The following VPS13D variants were observed in gnomAD, a reference collection of about 807,000 sequenced individuals.
VPS13D encodes intermembrane lipid transfer protein VPS13D.
In VPS13D, 187 loss-of-function variants were observed where a neutral mutation model predicts 461.9. That is an observed-to-expected ratio of 0.40 (90% CI 0.36 to 0.46). VPS13D has a LOEUF of 0.46. VPS13D is among the 20% of genes least tolerant of loss of function. The probability of loss-of-function intolerance (pLI) is 0.60; values close to 1 mark genes in which losing one functional copy is unlikely to be tolerated. For synonymous variants in VPS13D, 1,951 were observed against 1,986.3 expected (o/e 0.98, Z 0.47); for missense variants, 4,711 against 5,364.9 (o/e 0.88, Z 3.81).
chr1:12,363,951 CAAAAAAAAAAAAA>C (rs70987247), intron 52 of VPS13D, among the ~76,000 whole-genome samples: 3 of 44,582 alleles, frequency 6.7e-5, no homozygotes, highest in Admixed American at 3.6e-4. Flanking sequence ...GACTCTATCT[CAAAAAAAAAAAAA>C]AAAAAAAAAA....
chr1:12,416,059 C>T (rs1359103711), intron 64 of VPS13D, among the ~76,000 whole-genome samples: 1 of 152,134 alleles, frequency 6.6e-6, no homozygotes, highest in Admixed American at 6.5e-5. Flanking sequence ...AGAGGTCTTG[C>T]CTGTAGTCCC....
chr1:12,334,068 A>G (rs1427506783), intron 38 of VPS13D, among the ~76,000 whole-genome samples: 2 of 152,194 alleles, frequency 1.3e-5, no homozygotes, highest in Non-Finnish European at 2.9e-5. Flanking sequence ...AACACATACT[A>G]TTGCAAATTG....
intron 67 of VPS13D, among the ~76,000 whole-genome samples, chr1:12,490,149 G>A (rs1456444954): frequency 1.3e-5 from 2 of 152,194 alleles, no homozygotes; most frequent in African/African-American, 4.8e-5. Flanking sequence ...GGTTGAATAG[G>A]GGACTGGAGG....
At position 12,311,498 on chromosome 1, in the gene VPS13D, TCTC is replaced by T. The variant is rs1642747559; in HGVS notation, c.6699_6701del (p.Ser2234del). On this transcript the variant is annotated inframe_deletion, in exon 28 of 70. Coordinates refer to ENST00000620676, the MANE Select transcript of VPS13D (RefSeq NM_015378.4). ...CCAGACATATCTATCCATGGCAATC[TCTC>T]CTCAGTCCACTGCTCTCTGGATCTG... 2 of 1,613,982 alleles carry T rather than the reference TCTC, an allele frequency of 1.2e-6. No homozygotes were observed. Among genetic ancestry groups the T allele is most frequent in the East Asian group, 2.2e-5 (1 of 44,892 alleles).
At chr1:12,333,516 C>T (rs886941356) in intron 38 of VPS13D, 150 bp downstream of exon 38, 5 of 928,080 alleles carry the variant, frequency 5.4e-6, no homozygotes, top group Admixed American at 3.0e-5. Context: ...ACCCTAATAG[C>T]CTCTTGATTC....
rs1437205622 is a variant in VPS13D, at chr1:12,386,166, T to TA, written c.11485-18dup. 1 of 1,600,718 alleles carries TA rather than the reference T, an allele frequency of 6.2e-7. No individual in the cohort carries two copies. Reference sequence around the variant, plus strand: ...TGTGTTTAAAACAATCAGGGTGCCATATTTTGGTTTCCTTTCAGGTGCTTG... The same window carrying TA: ...TGTGTTTAAAACAATCAGGGTGCCATAATTTTGGTTTCCTTTCAGGTGCTTG... On this transcript the variant is annotated intron_variant, in intron 59 of 69. Transcript: ENST00000620676.
At chr1:12,280,833 T>C (rs940526441) in intron 20 of VPS13D, among the ~76,000 whole-genome samples, 4 of 152,158 alleles carry the variant, frequency 2.6e-5, no homozygotes, top group African/African-American at 9.6e-5. Context: ...AACTGTTGTT[T>C]TGATGAAAAT....
intron 2 of VPS13D, 113 bp from the exon 3 acceptor site, chr1:12,242,400 C>G (rs1290010256): frequency 1.1e-6 from 1 of 893,046 alleles, no homozygotes; most frequent in African/African-American, 1.7e-5. Flanking sequence ...CTTCACATGA[C>G]GTAGCCTATT....
intron 49 of VPS13D, among the ~76,000 whole-genome samples, chr1:12,358,203 A>C (rs1320021107): frequency 6.6e-6 from 1 of 152,150 alleles, no homozygotes; most frequent in Non-Finnish European, 1.5e-5. Context: ...ATAGAATCCT[A>C]ATGTTTTCTC....
intron 24 of VPS13D, among the ~76,000 whole-genome samples, chr1:12,294,747 G>A (rs942255648): frequency 5.3e-5 from 8 of 152,140 alleles, no homozygotes; most frequent in Non-Finnish European, 1.5e-5. Context: ...GGGAGGCGGA[G>A]GTTGGAGTGA....
chr1:12,264,566 C>T (rs1325043035), intron 13 of VPS13D, among the ~76,000 whole-genome samples: 1 of 152,250 alleles, frequency 6.6e-6, no homozygotes, highest in Non-Finnish European at 1.5e-5. Flanking sequence ...CACAGCCTTT[C>T]CTTAAGCCAA....
At chr1:12,285,438 G>A (rs941990672) in intron 21 of VPS13D, among the ~76,000 whole-genome samples, 4 of 151,530 alleles carry the variant, frequency 2.6e-5, no homozygotes, top group East Asian at 1.9e-4. Flanking sequence ...TTACAGGTGC[G>A]CGCCGCCATG....
intron 46 of VPS13D, among the ~76,000 whole-genome samples, chr1:12,351,574 G>A (rs752486354): frequency 1.3e-5 from 2 of 151,356 alleles, no homozygotes; most frequent in Non-Finnish European, 2.9e-5. Flanking sequence ...ACAGGCGTGA[G>A]CCACCGTGCC....
chr1:12,293,848 G>T, intron 24 of VPS13D, 144 bp downstream of exon 24: 1 of 824,140 alleles, frequency 1.2e-6, no homozygotes, highest in Non-Finnish European at 1.8e-6. Context: ...AGACATCTTT[G>T]TGTAATTGAA....
chr1:12,254,941 G>A (rs529311148), intron 7 of VPS13D, among the ~76,000 whole-genome samples: 1 of 151,496 alleles, frequency 6.6e-6, no homozygotes, highest in African/African-American at 2.4e-5. Context: ...TGTACATGAT[G>A]GCTTTCTTCT....
At chr1:12,323,805 C>T in intron 35 of VPS13D, 25 bp downstream of exon 35, 1 of 1,610,348 alleles carries the variant, frequency 6.2e-7, no homozygotes, top group Non-Finnish European at 8.5e-7. Context: ...GTTCTGTTAC[C>T]CGTTGTTTAT....
rs759707828 is a variant in VPS13D at position 12,276,658 on chromosome 1, A to G, written c.3070A>G (p.Lys1024Glu). Reference protein sequence around the residue: ...ADFDLLMASHKNLSFDIPTGS... With the variant: ...ADFDLLMASHENLSFDIPTGS... ...TTTTGACCTTTTGATGGCTTCACAT[A>G]AGAACTTGAGCTTTGATATTCCAAC... The change falls in exon 19 of 70, where the codon AAG (lysine) becomes GAG (glutamate). Residue 1024 changes from lysine (K) to glutamate (E), a missense_variant. Physicochemically the swap from Lys to Glu is moderately conservative, Grantham distance 56. Around this residue, in one of 3 missense-constraint regions of VPS13D, gnomAD observed 4,411 missense variants for 4,937.8 expected, o/e 0.89. Transcript: ENST00000620676. The surrounding 1 kb of genome is among the most constrained non-coding windows in gnomAD (Gnocchi z 4.5). 1.9e-6 allele frequency: 3 copies of G among 1,614,178 alleles called. No homozygotes were observed. Among genetic ancestry groups the G allele is most frequent in the South Asian group, 1.1e-5 (1 of 91,084 alleles).
intron 52 of VPS13D, 100 bp from the exon 53 acceptor site, chr1:12,368,368 G>A (rs1644068700): frequency 2.8e-6 from 4 of 1,420,060 alleles, no homozygotes; most frequent in Non-Finnish European, 3.8e-6. Context: ...TATTGACTGA[G>A]GCCCAAACAG....
intron 57 of VPS13D, among the ~76,000 whole-genome samples, chr1:12,381,981 T>A (rs936478934): frequency 7.3e-6 from 1 of 136,160 alleles, no homozygotes; most frequent in Non-Finnish European, 1.5e-5. Flanking sequence ...TTTCTTTCTT[T>A]CTCTCTCTCT....
Sources: gnomAD v4.1 joint callset for allele counts (sites outside exome capture counted in the v4.1 genomes callset) on GRCh38, gnomAD v4.1.1 for gene constraint, gnomAD v4.1.1 regional missense constraint, Gnocchi (gnomAD v3.1) non-coding constraint, MANE v1.5 for transcripts, NCBI Gene and HGNC (gene_info 2026-07-23, HGNC 2026-07-21) for gene names.